The following ZNF236 variants were observed in gnomAD, a reference collection of about 807,000 sequenced individuals.
The protein encoded by ZNF236 is regulated by glucose.
A neutral mutation model predicts 191.2 loss-of-function variants in ZNF236; 50 were observed. The ratio of observed to expected loss-of-function variants is 0.26; its 90% CI spans 0.21 to 0.33. The LOEUF (loss-of-function observed/expected upper bound fraction) is 0.33, where lower values mean the gene tolerates loss of function less well. ZNF236 is among the 10% of genes least tolerant of loss of function. The pLI is 1.00. For missense variants in ZNF236, 1,754 were observed against 2,374.5 expected (o/e 0.74, Z 5.43); for synonymous variants, 907 against 928.8 (o/e 0.98, Z 0.43).
chr18:76,916,821 G>A (rs1397104537), intron 19 of ZNF236, among the ~76,000 whole-genome samples: 5 of 152,172 alleles, frequency 3.3e-5, no homozygotes, highest in African/African-American at 4.8e-5. Flanking sequence ...TGAATTTTGT[G>A]TCAGTGGCTG....
chr18:76,852,661 CCTT>C (rs1975912832), intron 3 of ZNF236, among the ~76,000 whole-genome samples: 1 of 151,358 alleles, frequency 6.6e-6, no homozygotes, highest in South Asian at 2.1e-4. Context: ...AAAAAGAAAA[CCTT>C]CTCTGAACTC....
chr18:76,958,180 G>C (rs1028574502), intron 28 of ZNF236, among the ~76,000 whole-genome samples: 2 of 152,202 alleles, frequency 1.3e-5, no homozygotes, highest in Admixed American at 1.3e-4. Context: ...GTGTGTTGCA[G>C]TAAGAACGGT....
chr18:76,948,465 G>A (rs1968323326), intron 27 of ZNF236, among the ~76,000 whole-genome samples: 2 of 152,156 alleles, frequency 1.3e-5, no homozygotes, highest in South Asian at 4.1e-4. Flanking sequence ...ACTGCCTTCA[G>A]GTTTGACGAT....
At chr18:76,894,582 A>G (rs1295614977) in intron 9 of ZNF236, among the ~76,000 whole-genome samples, 1 of 152,192 alleles carries the variant, frequency 6.6e-6, no homozygotes, top group Non-Finnish European at 1.5e-5. Context: ...TATAGCATAT[A>G]GATTTACTGT....
At chr18:76,845,580 G>C (rs1413345313) in intron 1 of ZNF236, among the ~76,000 whole-genome samples, 3 of 152,150 alleles carry the variant, frequency 2.0e-5, no homozygotes, top group African/African-American at 7.2e-5. Context: ...GCTGGGCACG[G>C]TGGCTCATGC....
intron 28 of ZNF236, 130 bp downstream of exon 28, chr18:76,956,312 CACT>C (rs1968523658): frequency 9.5e-7 from 1 of 1,049,522 alleles, no homozygotes. Flanking sequence ...AGGAAAAGGT[CACT>C]AGATGTAGAT....
intron 14 of ZNF236, among the ~76,000 whole-genome samples, chr18:76,909,616 G>C (rs1599385067): frequency 6.6e-6 from 1 of 152,196 alleles, no homozygotes; most frequent in Non-Finnish European, 1.5e-5. Flanking sequence ...TGTGTGATTA[G>C]TGACATAGCT....
At chr18:76,938,906 G>C (rs1390509431) in intron 26 of ZNF236, among the ~76,000 whole-genome samples, 1 of 152,228 alleles carries the variant, frequency 6.6e-6, no homozygotes. Flanking sequence ...CTCCTGAGCT[G>C]TGCGGAGCGC....
At chr18:76,938,914 C>T (rs529332765) in intron 26 of ZNF236, among the ~76,000 whole-genome samples, 4 of 152,340 alleles carry the variant, frequency 2.6e-5, no homozygotes, top group South Asian at 2.1e-4. Flanking sequence ...CTGTGCGGAG[C>T]GCGTGACTGC....
intron 10 of ZNF236, among the ~76,000 whole-genome samples, chr18:76,895,832 C>T (rs1012839193): frequency 6.6e-6 from 1 of 151,470 alleles, no homozygotes. Context: ...CTCACAAATA[C>T]TGCCCTCAGG....
chr18:76,965,837 A>G (rs536407143), intron 30 of ZNF236, among the ~76,000 whole-genome samples: 4 of 152,154 alleles, frequency 2.6e-5, no homozygotes, highest in Non-Finnish European at 5.9e-5. Context: ...TGGTGGTTTA[A>G]TGCTCTATTT....
At chr18:76,967,521 A>G (rs1212423591) in intron 30 of ZNF236, among the ~76,000 whole-genome samples, 1 of 102,912 alleles carries the variant, frequency 9.7e-6, no homozygotes, top group African/African-American at 3.3e-5. Context: ...TTGGTGTTGG[A>G]GGTGGTGGTG....
At chr18:76,953,288 C>T (rs910041826) in intron 27 of ZNF236, among the ~76,000 whole-genome samples, 5 of 152,188 alleles carry the variant, frequency 3.3e-5, no homozygotes, top group Non-Finnish European at 7.3e-5. Context: ...AGCAAACTGC[C>T]TTTCTTCCTT....
rs532549728 is a variant in ZNF236 at position 76,966,412 on chromosome 18, G to A, written c.5420-1803G>A. The stretch of plus-strand genomic sequence containing the variant: ...AAATTTATATTTTGGCAAGGGCACA[G>A]AAATTTATTGGAGTAAAATGGCAGC... On this transcript the variant is annotated intron_variant, in intron 30 of 30. Transcript: ENST00000320610. 4.3e-4 allele frequency among the ~76,000 whole-genome samples: 65 copies of A among 152,284 alleles called. 1 individual carries two copies. In the South Asian group the frequency reaches 0.013, roughly 32 times the overall value.
At chr18:76,887,205 C>G (rs1977083897) in intron 9 of ZNF236, 1 of 152,028 alleles carries the variant, frequency 6.6e-6, no homozygotes, top group Non-Finnish European at 1.5e-5. Flanking sequence ...AAACCTGTCT[C>G]TACTAAAAAT....
chr18:76,944,973 G>A (rs796494342), intron 26 of ZNF236, among the ~76,000 whole-genome samples: 11 of 152,260 alleles, frequency 7.2e-5, no homozygotes, highest in African/African-American at 2.2e-4. Flanking sequence ...GGAGCATGTT[G>A]CAGAACTGTA....
chr18:76,957,591 A>G (rs1041852398), intron 28 of ZNF236, among the ~76,000 whole-genome samples: 7 of 152,156 alleles, frequency 4.6e-5, no homozygotes, highest in Non-Finnish European at 1.0e-4. Context: ...CTCAGGTCAC[A>G]GGGGATTGTT....
chr18:76,934,063 A>G (rs1217321338), intron 25 of ZNF236, among the ~76,000 whole-genome samples: 1 of 152,242 alleles, frequency 6.6e-6, no homozygotes, highest in East Asian at 1.9e-4. Context: ...CATAATGAAT[A>G]TGTATATGGC....
At chr18:76,837,666 T>A (rs1385797680) in intron 1 of ZNF236, among the ~76,000 whole-genome samples, 2 of 152,022 alleles carry the variant, frequency 1.3e-5, no homozygotes, top group Admixed American at 6.5e-5. Flanking sequence ...GGTCTCGAAC[T>A]CCTAATGTCA....
Sources: allele counts gnomAD v4.1 joint callset (sites outside exome capture counted in the v4.1 genomes callset), GRCh38; gene constraint gnomAD v4.1.1; transcripts MANE v1.5; gene names NCBI Gene and HGNC (gene_info 2026-07-23, HGNC 2026-07-21).